Variants in TTC27 observed in about 807,000 individuals in gnomAD.
TTC27 encodes tetratricopeptide repeat protein 27.
TTC27 carries 79 observed loss-of-function variants against 115.9 expected under a neutral mutation model. The observed-to-expected ratio is 0.68, with a 90% confidence interval of 0.57 to 0.82. TTC27 has a LOEUF of 0.82. Among genes scored for constraint, TTC27 ranks in the 40% least tolerant of loss-of-function variants. TTC27 has a pLI of 0.00. For missense variants in TTC27, 1,054 were observed against 993.1 expected (o/e 1.06, Z -0.82); for synonymous variants, 401 against 356.0 (o/e 1.13, Z -1.42).
At chr2:32,811,277 A>T in intron 17 of TTC27, 56 bp downstream of exon 17, 1 of 1,523,418 alleles carries the variant, frequency 6.6e-7, no homozygotes, top group South Asian at 1.2e-5. Flanking sequence ...GTTGTAGTAG[A>T]TCTACTTTTT....
At chr2:32,751,515 A>G (rs1669015129) in intron 12 of TTC27, among the ~76,000 whole-genome samples, 1 of 152,132 alleles carries the variant, frequency 6.6e-6, no homozygotes, top group Admixed American at 6.5e-5. Context: ...AGGGAAGAGA[A>G]GGAAACTAGA....
chr2:32,632,377 A>G (rs1054108887), intron 2 of TTC27, among the ~76,000 whole-genome samples: 1 of 152,042 alleles, frequency 6.6e-6, no homozygotes, highest in Non-Finnish European at 1.5e-5. Context: ...CATTAAAACA[A>G]CACATTCACA....
intron 12 of TTC27, among the ~76,000 whole-genome samples, chr2:32,737,596 A>C (rs1326118744): frequency 6.6e-6 from 1 of 152,186 alleles, no homozygotes; most frequent in Non-Finnish European, 1.5e-5. Context: ...AAGTATGTCT[A>C]TTTTAGATTA....
Position 32,701,689 on chromosome 2 carries a change from G to C in TTC27, c.1120-1118G>C, listed in dbSNP as rs7606327. ...GACTTCTTGCTAACCTTTAATGAGA[G>C]TTTGGAGTTATGAATGAGTTTGATA... On this transcript the variant is annotated intron_variant, in intron 9 of 19. Transcript: ENST00000317907. Among the ~76,000 whole-genome samples, 843 of 152,230 alleles carry C rather than the reference G, an allele frequency of 5.5e-3. 11 individuals are homozygous for C. Among genetic ancestry groups the C allele is most frequent in the African/African-American group, 0.019 (798 of 41,522 alleles).
chr2:32,670,487 G>T (rs542709856), intron 7 of TTC27, among the ~76,000 whole-genome samples: 1 of 152,196 alleles, frequency 6.6e-6, no homozygotes, highest in Admixed American at 6.5e-5. Flanking sequence ...ATGGTTTCAA[G>T]ATTCATCCAT....
chr2:32,628,081 G>C lies in TTC27; in HGVS notation c.-212G>C. On this transcript the variant is annotated 5_prime_UTR_variant, in exon 1 of 20. Coordinates refer to ENST00000317907, the MANE Select transcript of TTC27 (RefSeq NM_017735.5). ...CTAGGCGGAAGCCAGACCAGAGAGC[G>C]TGCGTGTTTTTCCCAGGGTGCCCCG... 1.8e-6 allele frequency: 1 copy of C among 549,456 alleles called. No individual in the cohort carries two copies. The highest frequency in any genetic ancestry group is 3.2e-6 in the Non-Finnish European group (1 of 309,782). 34.0% of individuals were successfully genotyped at this position (549,456 alleles called of 1,614,324 possible). A position where few individuals can be genotyped will look rare whatever the true frequency, so the allele number is the denominator to read the frequency against.
intron 5 of TTC27, among the ~76,000 whole-genome samples, chr2:32,660,658 C>T (rs1037071257): frequency 6.6e-6 from 1 of 152,102 alleles, no homozygotes; most frequent in Non-Finnish European, 1.5e-5. Flanking sequence ...TTTGTAGATT[C>T]TGGATATTAG....
Position 32,628,102 on chromosome 2 carries a change from C to T in TTC27, c.-191C>T, listed in dbSNP as rs1387995089. 1.8e-5 allele frequency: 10 copies of T among 564,988 alleles called. No individual in the cohort carries two copies. Among genetic ancestry groups the T allele is most frequent in the African/African-American group, 2.0e-5 (1 of 50,664 alleles). The allele number at this position is 564,988 out of a possible 1,614,324, so 35.0% of individuals were successfully genotyped here. ...GAGCGTGCGTGTTTTTCCCAGGGTG[C>T]CCCGCGCTGCTGTTATGGCCGCCTC... On this transcript the variant is annotated 5_prime_UTR_variant, in exon 1 of 20. Coordinates refer to ENST00000317907, the MANE Select transcript of TTC27 (RefSeq NM_017735.5).
intron 12 of TTC27, among the ~76,000 whole-genome samples, chr2:32,738,877 G>T (rs1668534356): frequency 6.6e-6 from 1 of 152,164 alleles, no homozygotes; most frequent in Admixed American, 6.5e-5. Context: ...GTACTGAGAT[G>T]TATGAAGAAA....
At chr2:32,723,993 A>ATTTT in intron 10 of TTC27, among the ~76,000 whole-genome samples, 1 of 68,746 alleles carries the variant, frequency 1.5e-5, no homozygotes, top group African/African-American at 5.8e-5. Flanking sequence ...TTTTTTATAG[A>ATTTT]AAGGATAATA....
intron 4 of TTC27, among the ~76,000 whole-genome samples, chr2:32,649,133 G>A (rs915498043): frequency 6.6e-6 from 1 of 152,208 alleles, no homozygotes; most frequent in African/African-American, 2.4e-5. Context: ...TAGGAACAGT[G>A]TAGAAGTTCA....
At chr2:32,701,880 A>G (rs1667194514) in intron 9 of TTC27, among the ~76,000 whole-genome samples, 1 of 152,024 alleles carries the variant, frequency 6.6e-6, no homozygotes, top group Admixed American at 6.6e-5. Flanking sequence ...GCATGGTGGT[A>G]CAGGCCTGCC....
chr2:32,690,136 G>C (rs1052892266), intron 9 of TTC27, among the ~76,000 whole-genome samples: 1 of 152,036 alleles, frequency 6.6e-6, no homozygotes, highest in Admixed American at 6.6e-5. Flanking sequence ...CAATGATGAA[G>C]AAAAAAACAT....
At chr2:32,796,768 G>C (rs1211511346) in intron 16 of TTC27, among the ~76,000 whole-genome samples, 4 of 152,186 alleles carry the variant, frequency 2.6e-5, no homozygotes, top group African/African-American at 9.6e-5. Context: ...AACTGTAGTA[G>C]TCAAAACAGT....
intron 10 of TTC27, among the ~76,000 whole-genome samples, chr2:32,717,152 T>G (rs1470794302): frequency 6.6e-6 from 1 of 151,940 alleles, no homozygotes; most frequent in Non-Finnish European, 1.5e-5. Flanking sequence ...TTGTAATATT[T>G]TTTTTGAGAC....
chr2:32,809,039 G>T (rs1338534945), intron 16 of TTC27, among the ~76,000 whole-genome samples: 9 of 152,214 alleles, frequency 5.9e-5, no homozygotes, highest in African/African-American at 9.7e-5. Flanking sequence ...TACAGACAGA[G>T]ATGATGTACC....
At chr2:32,636,821 T>A (rs766144211) in intron 3 of TTC27, among the ~76,000 whole-genome samples, 5 of 152,336 alleles carry the variant, frequency 3.3e-5, no homozygotes, top group African/African-American at 1.2e-4. Context: ...TAGTTGGAAG[T>A]GGACCTTGAG....
intron 10 of TTC27, among the ~76,000 whole-genome samples, chr2:32,717,976 A>G (rs1302345368): frequency 1.3e-5 from 2 of 152,190 alleles, no homozygotes; most frequent in Non-Finnish European, 2.9e-5. Context: ...CCTCACATAA[A>G]TAATGGAATA....
At chr2:32,703,445 C>G (rs911254948) in intron 10 of TTC27, among the ~76,000 whole-genome samples, 1 of 152,018 alleles carries the variant, frequency 6.6e-6, no homozygotes, top group African/African-American at 2.4e-5. Flanking sequence ...CCAGTCTGGG[C>G]GACAAGAGCA....
Sources: gnomAD v4.1 joint callset for allele counts (sites outside exome capture counted in the v4.1 genomes callset) on GRCh38, gnomAD v4.1.1 for gene constraint, MANE v1.5 for transcripts, NCBI Gene and HGNC (gene_info 2026-07-23, HGNC 2026-07-21) for gene names.